ZBTB20: variants seen among roughly 807,000 people sequenced by gnomAD.
The protein encoded by ZBTB20 is zinc finger and BTB domain-containing protein 20.
In ZBTB20, 9 loss-of-function variants were observed where a neutral mutation model predicts 56.9. The observed-to-expected ratio is 0.16, with a 90% confidence interval of 0.10 to 0.28. The LOEUF is 0.28. Ranked by LOEUF, ZBTB20 falls within the 10% of genes least tolerant of loss-of-function variation. The pLI is 1.00. For synonymous variants in ZBTB20, 417 were observed against 420.7 expected, an observed-to-expected ratio of 0.99 and a Z score of 0.11; for missense variants, 655 against 1,003.0, an observed-to-expected ratio of 0.65 and a Z score of 4.69.
chr3:114,602,257 C>T (rs2056817578), intron 6 of ZBTB20, among the ~76,000 whole-genome samples: 2 of 152,010 alleles, frequency 1.3e-5, no homozygotes, highest in Admixed American at 1.3e-4. Flanking sequence ...ATCCCAAGCA[C>T]ATGTGAGATG....
intron 5 of ZBTB20, among the ~76,000 whole-genome samples, chr3:114,700,256 T>C (rs1237943355): frequency 6.6e-6 from 1 of 152,126 alleles, no homozygotes; most frequent in Non-Finnish European, 1.5e-5. Flanking sequence ...TTATTTATTC[T>C]TGTTCCTCAC....
At position 114,773,716 on chromosome 3, in the gene ZBTB20, A is replaced by C. The variant is rs148989491; in HGVS notation, c.-343+27385T>G. Among the ~76,000 whole-genome samples the C allele has an allele frequency of 3.8e-3, 574 of 152,324 alleles. 3 individuals are homozygous for C. Among genetic ancestry groups the C allele is most frequent in the Middle Eastern group, 0.014 (4 of 294 alleles). ...GAAAGTTTATAAAGGCATGAAGATA[A>C]TGAACATTTAAGAAACAATGAAAAA... On this transcript the variant is annotated intron_variant, in intron 5 of 11. Coordinates refer to ENST00000675478, the MANE Select transcript of ZBTB20 (RefSeq NM_001348800.3).
intron 7 of ZBTB20, among the ~76,000 whole-genome samples, chr3:114,481,029 GC>G (rs2041482162): frequency 6.6e-6 from 1 of 152,018 alleles, no homozygotes; most frequent in African/African-American, 2.4e-5. Flanking sequence ...TAAAAAAATA[GC>G]AAAATACAGT....
chr3:115,000,733 T>A (rs942762743), intron 2 of ZBTB20, among the ~76,000 whole-genome samples: 1 of 151,636 alleles, frequency 6.6e-6, no homozygotes, highest in South Asian at 2.1e-4. Flanking sequence ...AAAAGTAATT[T>A]ACCAGGTTCC....
At position 114,325,816 on chromosome 3, in the gene ZBTB20, T is replaced by C. The variant is rs1368195265; in HGVS notation, c.*13189A>G. 1.3e-5 allele frequency: 2 copies of C among 152,240 alleles called. No individual in the cohort carries two copies. Among genetic ancestry groups the C allele is most frequent in the South Asian group, 2.1e-4 (1 of 4,832 alleles). The allele number at this position is 152,240 out of a possible 1,614,324, so 9.4% of individuals were successfully genotyped here. A position where few individuals can be genotyped will look rare whatever the true frequency, so the allele number is the denominator to read the frequency against. On this transcript the variant is annotated 3_prime_UTR_variant, in exon 12 of 12. Transcript: ENST00000675478. ...TACAAAAACGTTGTCAGGCTATCTG[T>C]TAATCGAGTTGAGTTGAAAACAGTA...
In ZBTB20 at chr3:114,631,986, T is replaced by C. The variant is rs551637599; in HGVS notation, c.-295+61542A>G. ...CACCTGACATTAGCAAGGAGCGTGG[T>C]TGTGAGAGGCTGAGAGCAGAAAAGC... On this transcript the variant is annotated intron_variant, in intron 6 of 11. Coordinates refer to ENST00000675478, the MANE Select transcript of ZBTB20 (RefSeq NM_001348800.3). 4.6e-5 allele frequency among the ~76,000 whole-genome samples: 7 copies of C among 152,288 alleles called. No individual in the cohort carries two copies. In the East Asian group the frequency reaches 5.8e-4, roughly 13 times the overall value.
chr3:114,852,857 T>A (rs2075068921), intron 4 of ZBTB20, among the ~76,000 whole-genome samples: 1 of 152,176 alleles, frequency 6.6e-6, no homozygotes. Context: ...GAGTTTCTTT[T>A]TGGTACCATA....
At chr3:114,535,803 T>C (rs2048396041) in intron 6 of ZBTB20, among the ~76,000 whole-genome samples, 1 of 152,212 alleles carries the variant, frequency 6.6e-6, no homozygotes, top group East Asian at 1.9e-4. Context: ...CACGATCAAG[T>C]TGGCTTCATC....
chr3:114,827,789 C>A (rs1031979010), intron 4 of ZBTB20, among the ~76,000 whole-genome samples: 2 of 151,676 alleles, frequency 1.3e-5, no homozygotes, highest in Non-Finnish European at 3.0e-5. Flanking sequence ...ATATATTCTG[C>A]CTAGTATAAC....
intron 5 of ZBTB20, among the ~76,000 whole-genome samples, chr3:114,698,737 C>G (rs913703675): frequency 6.6e-6 from 1 of 152,142 alleles, no homozygotes; most frequent in African/African-American, 2.4e-5. Context: ...GTTGGGGTTT[C>G]TAGTCATCCA....
At chr3:114,784,018 GT>G (rs756506531) in intron 5 of ZBTB20, among the ~76,000 whole-genome samples, 8 of 152,044 alleles carry the variant, frequency 5.3e-5, no homozygotes, top group Non-Finnish European at 1.2e-4. Context: ...TGGTCTTTTC[GT>G]TGTGGTTCTT....
At chr3:114,469,147 T>G (rs1432965707) in intron 7 of ZBTB20, among the ~76,000 whole-genome samples, 1 of 152,228 alleles carries the variant, frequency 6.6e-6, no homozygotes, top group Admixed American at 6.5e-5. Flanking sequence ...GCTAGCTAGA[T>G]GCAGCTCATA....
chr3:114,613,550 G>C (rs971894868), intron 6 of ZBTB20, among the ~76,000 whole-genome samples: 1 of 152,168 alleles, frequency 6.6e-6, no homozygotes, highest in Non-Finnish European at 1.5e-5. Flanking sequence ...CAGAGACAAT[G>C]AGTAGGTAAT....
intron 4 of ZBTB20, among the ~76,000 whole-genome samples, chr3:114,886,885 C>A (rs1038376609): frequency 1.3e-5 from 2 of 152,190 alleles, no homozygotes; most frequent in Non-Finnish European, 2.9e-5. Flanking sequence ...ATGTCTTAGT[C>A]TGTTTCCTGT....
At chr3:114,886,091 C>A (rs2076589890) in intron 4 of ZBTB20, among the ~76,000 whole-genome samples, 1 of 152,108 alleles carries the variant, frequency 6.6e-6, no homozygotes. Context: ...ACCCACTCAC[C>A]CTAATAGTGG....
intron 6 of ZBTB20, among the ~76,000 whole-genome samples, chr3:114,582,755 T>C (rs1370778413): frequency 6.6e-6 from 1 of 152,152 alleles, no homozygotes; most frequent in South Asian, 2.1e-4. Flanking sequence ...TTAATCGAGG[T>C]AAAGGAAAGC....
At chr3:114,435,136 A>G (rs1246022965) in intron 7 of ZBTB20, among the ~76,000 whole-genome samples, 1 of 152,168 alleles carries the variant, frequency 6.6e-6, no homozygotes, top group African/African-American at 2.4e-5. Flanking sequence ...CCATTCACTC[A>G]AACAAGACTC....
intron 7 of ZBTB20, among the ~76,000 whole-genome samples, chr3:114,438,173 T>C (rs894043604): frequency 1.3e-5 from 2 of 151,886 alleles, no homozygotes; most frequent in South Asian, 2.1e-4. Flanking sequence ...AGCAGTGGCA[T>C]TGGTGGGGGT....
Position 114,351,839 on chromosome 3 carries a change from C to G in ZBTB20, c.239G>C (p.Ser80Thr). Residue 80 changes from serine to threonine, a missense_variant, in exon 11 of 12, where the codon AGC becomes ACC. Around this residue, in one of 10 missense-constraint regions of ZBTB20, gnomAD observed 57 missense variants for 99.1 expected, o/e 0.58. Coordinates refer to ENST00000675478, the MANE Select transcript of ZBTB20 (RefSeq NM_001348800.3). ...ATTGCTGAAGTTGTGAAGGTTGATG[C>G]TGTGAATGCGCTCGGTCATCCCCTT... ...SCKGMTERIH[S>T]INLHNFSNSV... The G allele has an allele frequency of 6.2e-7, 1 of 1,601,994 alleles. No homozygotes were observed. The highest frequency in any genetic ancestry group is 8.5e-7 in the Non-Finnish European group (1 of 1,170,208).
Sources: allele counts gnomAD v4.1 joint callset (sites outside exome capture counted in the v4.1 genomes callset), GRCh38; gene constraint gnomAD v4.1.1; regional missense constraint gnomAD v4.1.1; transcripts MANE v1.5; gene names NCBI Gene and HGNC (gene_info 2026-07-23, HGNC 2026-07-21).